PRDM16: variants seen among roughly 807,000 people sequenced by gnomAD.
PRDM16 encodes PR/SET domain 16, also known as histone-lysine N-methyltransferase PRDM16.
PRDM16 carries 23 observed loss-of-function variants against 110.6 expected under a neutral mutation model. The observed-to-expected ratio is 0.21, with a 90% CI of 0.15 to 0.29. PRDM16 has a LOEUF of 0.29. Ranked by LOEUF, PRDM16 falls within the 10% of genes least tolerant of loss-of-function variation. The probability of loss-of-function intolerance (pLI) is 1.00; values close to 1 mark genes in which losing one functional copy is unlikely to be tolerated. For missense variants in PRDM16, 1,615 were observed against 1,794.3 expected, an observed-to-expected ratio of 0.90 and a Z score of 1.81; for synonymous variants, 799 against 781.8, an observed-to-expected ratio of 1.02 and a Z score of -0.37.
rs1642669672 is a variant in PRDM16 at position 3,359,309 on chromosome 1, C to T, written c.439-25843C>T. On this transcript the variant is annotated intron_variant, in intron 3 of 16. Coordinates refer to ENST00000270722, the MANE Select transcript of PRDM16 (RefSeq NM_022114.4). The surrounding 1 kb of genome is among the most constrained non-coding windows in gnomAD (Gnocchi z 4.3). ...AGTTGCTGACCCTCCTGGCCAAGGG[C>T]AGCTGCCTTTGTCCTGGATGTCAAT... 6.6e-6 allele frequency among the ~76,000 whole-genome samples: 1 copy of T among 152,198 alleles called. No individual in the cohort carries two copies. The highest frequency in any genetic ancestry group is 1.5e-5 in the Non-Finnish European group (1 of 68,042).
chr1:3,087,227 C>G (rs2472823), intron 1 of PRDM16, among the ~76,000 whole-genome samples: 1 of 143,908 alleles, frequency 6.9e-6, no homozygotes, highest in Non-Finnish European at 1.5e-5. Context: ...CAGCCCCACC[C>G]GAGACCAGCC....
At chr1:3,335,317 A>G (rs1200967496) in intron 3 of PRDM16, among the ~76,000 whole-genome samples, 3 of 152,136 alleles carry the variant, frequency 2.0e-5, no homozygotes, top group Non-Finnish European at 4.4e-5. Flanking sequence ...TGGGAAAGTG[A>G]ATGAAAGAAC....
intron 8 of PRDM16, among the ~76,000 whole-genome samples, chr1:3,406,127 C>G (rs961702627): frequency 6.6e-6 from 1 of 152,220 alleles, no homozygotes; most frequent in African/African-American, 2.4e-5. Flanking sequence ...CAGTGCTGTT[C>G]CAGTGCGGGG....
chr1:3,142,013 G>A (rs561146765), intron 1 of PRDM16, among the ~76,000 whole-genome samples: 10 of 152,370 alleles, frequency 6.6e-5, no homozygotes, highest in African/African-American at 2.2e-4. Flanking sequence ...CTGTGCATTC[G>A]TCAGCCATGG....
intron 3 of PRDM16, among the ~76,000 whole-genome samples, chr1:3,252,118 G>A (rs919966543): frequency 7.2e-5 from 11 of 152,200 alleles, no homozygotes; most frequent in African/African-American, 1.9e-4. Flanking sequence ...GACCCTTCCC[G>A]AGGCCTGGCT....
In PRDM16 at chr1:3,426,104, C is replaced by G. The variant is rs368738819; in HGVS notation, c.3163C>G (p.Pro1055Ala). 6 of 1,613,842 alleles carry G rather than the reference C, an allele frequency of 3.7e-6. No homozygotes were observed. The highest frequency in any genetic ancestry group is 5.1e-6 in the Non-Finnish European group (6 of 1,179,980). ...TNHLGTSASS[P>A]TSESDNHALL... ...CCACCTGGGGACCAGCGCGTCCTCT[C>G]CCACCTCAGAGTCGGACAACCACGC... The change falls in exon 14 of 17, where the codon CCC becomes GCC. Residue 1055 changes from proline to alanine, a missense_variant. Physicochemically the swap from Pro to Ala is conservative, Grantham distance 27 (BLOSUM62 -1). This residue lies in a region of PRDM16 where 327 missense variants were observed against 359.3 expected (regional missense o/e 0.91). Transcript: ENST00000270722.
intron 3 of PRDM16, among the ~76,000 whole-genome samples, chr1:3,320,329 CGTGT>C (rs1002062234): frequency 6.6e-6 from 1 of 151,944 alleles, no homozygotes; most frequent in Non-Finnish European, 1.5e-5. Flanking sequence ...TGTGTGTGTG[CGTGT>C]GTGTGTATGC....
chr1:3,106,338 C>T (rs1642651544), intron 1 of PRDM16, among the ~76,000 whole-genome samples: 1 of 152,136 alleles, frequency 6.6e-6, no homozygotes, highest in South Asian at 2.1e-4. Flanking sequence ...GGCAGAGGGG[C>T]CGGGGCACTG....
chr1:3,172,493 C>T (rs767908942), intron 1 of PRDM16, among the ~76,000 whole-genome samples: 1 of 152,224 alleles, frequency 6.6e-6, no homozygotes, highest in Non-Finnish European at 1.5e-5. Context: ...CGCATGTTCA[C>T]ACGTGCTTCC....
intron 1 of PRDM16, among the ~76,000 whole-genome samples, chr1:3,116,648 T>C (rs1328216777): frequency 6.6e-6 from 1 of 152,156 alleles, no homozygotes; most frequent in Non-Finnish European, 1.5e-5. Context: ...AGACACGGTG[T>C]GGCCTGTCAC....
Position 3,070,900 on chromosome 1 carries a change from G to T in PRDM16, c.37+1604G>T, listed in dbSNP as rs911304195. ...CCCCTTCCCGCCGCGCTCCGCTGCC[G>T]GGTGCCCTCGGCCTCGGCCTCCCGT... is the stretch of plus-strand genomic sequence containing the variant. On this transcript the variant is annotated intron_variant, in intron 1 of 16. Coordinates refer to ENST00000270722, the MANE Select transcript of PRDM16 (RefSeq NM_022114.4). Among the ~76,000 whole-genome samples, 6 of 152,342 alleles carry T rather than the reference G, an allele frequency of 3.9e-5. No individual in the cohort carries two copies. The East Asian group carries it at 1.2e-3, about 29-fold the overall frequency.
intron 4 of PRDM16, among the ~76,000 whole-genome samples, chr1:3,387,666 G>T (rs1315621825): frequency 6.6e-6 from 1 of 152,250 alleles, no homozygotes; most frequent in African/African-American, 2.4e-5. Context: ...GAAAGCAGGA[G>T]CCGGCCAGAG....
chr1:3,335,428 C>A (rs1043736192), intron 3 of PRDM16, among the ~76,000 whole-genome samples: 1 of 152,194 alleles, frequency 6.6e-6, no homozygotes, highest in Non-Finnish European at 1.5e-5. Context: ...GTAGAGAACA[C>A]GTCCTTAGCC....
intron 1 of PRDM16, among the ~76,000 whole-genome samples, chr1:3,074,667 C>T (rs1641855747): frequency 6.6e-6 from 1 of 152,178 alleles, no homozygotes; most frequent in South Asian, 2.1e-4. Context: ...GGTGGCCTGG[C>T]CTGCACCCTC....
intron 1 of PRDM16, among the ~76,000 whole-genome samples, chr1:3,122,626 C>A (rs1216010649): frequency 6.6e-6 from 1 of 152,112 alleles, no homozygotes; most frequent in African/African-American, 2.4e-5. Flanking sequence ...AAAAATGAAC[C>A]GTCTCGACTC....
chr1:3,401,346 T>C (rs977799784), intron 5 of PRDM16, among the ~76,000 whole-genome samples: 3 of 152,182 alleles, frequency 2.0e-5, no homozygotes, highest in Non-Finnish European at 2.9e-5. Flanking sequence ...GGTTCAGGCC[T>C]TTGAGTCAAC....
At chr1:3,368,032 T>C (rs1642845852) in intron 3 of PRDM16, among the ~76,000 whole-genome samples, 1 of 152,182 alleles carries the variant, frequency 6.6e-6, no homozygotes, top group Non-Finnish European at 1.5e-5. Context: ...TTGGGGAACA[T>C]TCTGTACCTG....
At chr1:3,336,655 T>C (rs1277667962) in intron 3 of PRDM16, among the ~76,000 whole-genome samples, 3 of 142,818 alleles carry the variant, frequency 2.1e-5, no homozygotes, top group Non-Finnish European at 4.5e-5. Context: ...AGTGAGTGTG[T>C]GTATGTGTGC....
At chr1:3,267,765 G>C (rs898222481) in intron 3 of PRDM16, among the ~76,000 whole-genome samples, 1 of 152,128 alleles carries the variant, frequency 6.6e-6, no homozygotes, top group African/African-American at 2.4e-5. Context: ...TCAGTGAGCC[G>C]CTTCTCCATC....
Sources: gnomAD v4.1 joint callset for allele counts (sites outside exome capture counted in the v4.1 genomes callset) on GRCh38, gnomAD v4.1.1 for gene constraint, gnomAD v4.1.1 regional missense constraint, Gnocchi (gnomAD v3.1) non-coding constraint, MANE v1.5 for transcripts, NCBI Gene and HGNC (gene_info 2026-07-23, HGNC 2026-07-21) for gene names.